The following BNC2 variants were observed in gnomAD, a reference collection of about 807,000 sequenced individuals.
BNC2 encodes zinc finger protein basonuclin-2.
Under a neutral mutation model 76.3 loss-of-function variants are expected in BNC2, and 20 were observed. That is an observed-to-expected ratio of 0.26 (90% CI 0.18 to 0.38). The LOEUF (loss-of-function observed/expected upper bound fraction) is 0.38. Ranked by LOEUF, BNC2 falls within the 10% of genes least tolerant of loss-of-function variation. The pLI, the probability that BNC2 is intolerant of heterozygous loss-of-function variation, is 1.00. For synonymous variants in BNC2, 582 were observed against 514.8 expected, an observed-to-expected ratio of 1.13 and a Z score of -1.77; for missense variants, 1,382 against 1,399.8, an observed-to-expected ratio of 0.99 and a Z score of 0.20.
rs1350162888 is a variant in BNC2 at position 16,435,056 on chromosome 9, G to A, written c.2639+499C>T. The A allele has an allele frequency of 2.3e-5, 11 of 471,294 alleles. No homozygotes were observed. The highest frequency in any genetic ancestry group is 1.0e-4 in the African/African-American group (5 of 50,032). 29.2% of individuals were successfully genotyped at this position (471,294 alleles called of 1,614,324 possible). Reference sequence around the variant, plus strand: ...TACCTACGGAGATGCAGGCTGTCTCGATGTCCTGGACCTATGGTTCTTTCC... The same window carrying A: ...TACCTACGGAGATGCAGGCTGTCTCAATGTCCTGGACCTATGGTTCTTTCC... On this transcript the variant is annotated intron_variant, in intron 6 of 6. Coordinates refer to ENST00000380672, the MANE Select transcript of BNC2 (RefSeq NM_017637.6).
intron 1 of BNC2, among the ~76,000 whole-genome samples, chr9:16,779,126 A>AG (rs1826050059): frequency 8.3e-6 from 1 of 119,890 alleles, no homozygotes; most frequent in African/African-American, 3.8e-5. Flanking sequence ...AAAAAAAAAA[A>AG]AAAAAAAAGA....
At chr9:16,732,229 T>C (rs1295290690) in intron 2 of BNC2, among the ~76,000 whole-genome samples, 1 of 151,016 alleles carries the variant, frequency 6.6e-6, no homozygotes, top group Non-Finnish European at 1.5e-5. Context: ...AATGAATACA[T>C]GAAAACGCAA....
intron 3 of BNC2, chr9:16,685,492 A>G: frequency 2.6e-6 from 3 of 1,169,364 alleles, no homozygotes; most frequent in Non-Finnish European, 2.3e-6. Context: ...GCTTTCCAGG[A>G]CCACTGTTTC....
chr9:16,660,505 G>T (rs1190576301), intron 3 of BNC2, among the ~76,000 whole-genome samples: 1 of 151,552 alleles, frequency 6.6e-6, no homozygotes, highest in Non-Finnish European at 1.5e-5. Flanking sequence ...TTGTTTATGT[G>T]TGCACCTCCT....
intron 4 of BNC2, among the ~76,000 whole-genome samples, chr9:16,568,034 G>A (rs1245900428): frequency 3.3e-5 from 5 of 152,080 alleles, no homozygotes; most frequent in Non-Finnish European, 5.9e-5. Flanking sequence ...TAAAAAAGAA[G>A]GCTTATTCTT....
chr9:16,577,095 A>G (rs1368759050), intron 4 of BNC2, among the ~76,000 whole-genome samples: 2 of 152,206 alleles, frequency 1.3e-5, no homozygotes, highest in Non-Finnish European at 2.9e-5. Flanking sequence ...GATTTATGCA[A>G]ATTGAGTCTG....
At chr9:16,598,739 T>C (rs138641720) in intron 3 of BNC2, among the ~76,000 whole-genome samples, 1 of 152,186 alleles carries the variant, frequency 6.6e-6, no homozygotes, top group African/African-American at 2.4e-5. Context: ...TTTACCATAC[T>C]GTACCTGAAA....
rs991415513 is a variant in BNC2 at position 16,412,714 on chromosome 9, G to T, written c.*6275C>A. 1 of 137,348 alleles carries T rather than the reference G, an allele frequency of 7.3e-6. No homozygotes were observed. The highest frequency in any genetic ancestry group is 2.7e-5 in the African/African-American group (1 of 36,884). 8.5% of individuals were successfully genotyped at this position (137,348 alleles called of 1,614,324 possible). A position where few individuals can be genotyped will look rare whatever the true frequency, so the allele number is the denominator to read the frequency against. On this transcript the variant is annotated 3_prime_UTR_variant, in exon 7 of 7. Coordinates refer to ENST00000380672, the MANE Select transcript of BNC2 (RefSeq NM_017637.6). ...GGGGAGAATAAGAGGGAAGGAGAGA[G>T]AGAGGGGAGAGAGAGAGAGAGAGAG...
chr9:16,721,811 G>C (rs116541238), intron 3 of BNC2, among the ~76,000 whole-genome samples: 1 of 152,006 alleles, frequency 6.6e-6, no homozygotes, highest in Non-Finnish European at 1.5e-5. Flanking sequence ...ACAGCACTCT[G>C]GGGGGAAAAA....
At chr9:16,620,959 C>T (rs1820850153) in intron 3 of BNC2, among the ~76,000 whole-genome samples, 1 of 152,164 alleles carries the variant, frequency 6.6e-6, no homozygotes. Context: ...CGACTTTCCA[C>T]TTCTCTCCTC....
chr9:16,572,076 C>A (rs528926452), intron 4 of BNC2, among the ~76,000 whole-genome samples: 1 of 151,908 alleles, frequency 6.6e-6, no homozygotes, highest in South Asian at 2.1e-4. Flanking sequence ...CAAAAGGAGG[C>A]GGGTGGGTAA....
chr9:16,810,776 A>G (rs1265702866), intron 1 of BNC2, among the ~76,000 whole-genome samples: 1 of 152,174 alleles, frequency 6.6e-6, no homozygotes, highest in Non-Finnish European at 1.5e-5. Context: ...CAGATACCCT[A>G]CCTCAGAGTT....
At chr9:16,778,163 A>C (rs941500126) in intron 1 of BNC2, among the ~76,000 whole-genome samples, 1 of 152,160 alleles carries the variant, frequency 6.6e-6, no homozygotes, top group African/African-American at 2.4e-5. Context: ...GACTCTCATA[A>C]TGAGGAAACT....
chr9:16,586,679 A>G (rs1329915921), intron 3 of BNC2, among the ~76,000 whole-genome samples: 2 of 152,170 alleles, frequency 1.3e-5, no homozygotes. Flanking sequence ...TAATTTGGCA[A>G]CTTCACGCCC....
Position 16,468,001 on chromosome 9 carries a change from G to A in BNC2, c.670-30477C>T, listed in dbSNP as rs1334219302. On this transcript the variant is annotated intron_variant, in intron 5 of 6. Coordinates refer to ENST00000380672, the MANE Select transcript of BNC2 (RefSeq NM_017637.6). ...CTTGAGTGGATGCTGTTCTGTTACTGTGTTCCTGAAAAACTCCTAATCTCA... is the reference window on the plus strand; with the variant it reads ...CTTGAGTGGATGCTGTTCTGTTACTATGTTCCTGAAAAACTCCTAATCTCA... Among the ~76,000 whole-genome samples, 3 of 149,634 alleles carry A rather than the reference G, an allele frequency of 2.0e-5. No homozygotes were observed. In the East Asian group the frequency reaches 5.9e-4, roughly 29 times the overall value.
intron 5 of BNC2, among the ~76,000 whole-genome samples, chr9:16,486,228 T>C (rs1340109738): frequency 6.6e-6 from 1 of 152,194 alleles, no homozygotes; most frequent in Non-Finnish European, 1.5e-5. Flanking sequence ...CCTCTGTCAC[T>C]CCTGTTTCAG....
chr9:16,582,261 G>A (rs1819646890), intron 4 of BNC2, among the ~76,000 whole-genome samples: 2 of 152,020 alleles, frequency 1.3e-5, no homozygotes, highest in African/African-American at 2.4e-5. Flanking sequence ...TACTTAAACA[G>A]AATAAACATA....
chr9:16,467,599 G>T lies in BNC2; in HGVS notation c.670-30075C>A, dbSNP rs1451592358. ...TCGCAAGAACAAAAAACCAAACACCGCATATTCTCACTCATAGGTGGGAAC... is the reference window on the plus strand; with the variant it reads ...TCGCAAGAACAAAAAACCAAACACCTCATATTCTCACTCATAGGTGGGAAC... On this transcript the variant is annotated intron_variant, in intron 5 of 6. Transcript: ENST00000380672. Among the ~76,000 whole-genome samples the T allele has an allele frequency of 3.6e-5, 5 of 140,388 alleles. No individual in the cohort carries two copies. The South Asian group carries it at 1.3e-3, about 35-fold the overall frequency. The allele number at this position is 140,388 out of a possible 152,430, so 92.1% of individuals were successfully genotyped here.
chr9:16,525,313 TAA>T (rs1817764639), intron 5 of BNC2, among the ~76,000 whole-genome samples: 1 of 151,704 alleles, frequency 6.6e-6, no homozygotes, highest in African/African-American at 2.4e-5. Context: ...AAAAACAAGG[TAA>T]AGAGCTGAAA....
Sources: allele counts gnomAD v4.1 joint callset (sites outside exome capture counted in the v4.1 genomes callset), GRCh38; gene constraint gnomAD v4.1.1; transcripts MANE v1.5; gene names NCBI Gene and HGNC (gene_info 2026-07-23, HGNC 2026-07-21).